Variants in MED23 observed in about 807,000 individuals in gnomAD.
The protein encoded by MED23 is mediator complex subunit 23.
A neutral mutation model predicts 163.9 loss-of-function variants in MED23; 105 were observed. The observed-to-expected ratio is 0.64, with a 90% CI of 0.55 to 0.75. MED23 has a LOEUF of 0.75. Ranked by LOEUF, MED23 falls within the 30% of genes least tolerant of loss-of-function variation. The pLI is 0.00. For missense variants in MED23, 1,054 were observed against 1,649.0 expected (o/e 0.64, Z 6.25); for synonymous variants, 561 against 565.6 (o/e 0.99, Z 0.12).
intron 10 of MED23, among the ~76,000 whole-genome samples, chr6:131,611,943 A>G (rs543562250): frequency 1.3e-5 from 2 of 152,244 alleles, no homozygotes; most frequent in South Asian, 2.1e-4. Context: ...TTTCACCTAC[A>G]TATTTTTAGG....
At chr6:131,595,891 C>T in intron 22 of MED23, 56 bp downstream of exon 22, 1 of 1,299,152 alleles carries the variant, frequency 7.7e-7, no homozygotes, top group Non-Finnish European at 1.1e-6. Flanking sequence ...TGGTCCTGCC[C>T]ATCCTACTTT....
At chr6:131,622,946 TATTA>T (rs1451470184) in intron 5 of MED23, among the ~76,000 whole-genome samples, 2 of 152,206 alleles carry the variant, frequency 1.3e-5, no homozygotes, top group Non-Finnish European at 2.9e-5. Flanking sequence ...GTGCTGAAGA[TATTA>T]ATTGAGGTAA....
intron 30 of MED23, chr6:131,581,458 C>G: frequency 7.0e-7 from 1 of 1,418,620 alleles, no homozygotes. Context: ...ATGAGAAACT[C>G]CATGTTATCT....
chr6:131,582,764 T>C (rs1320936816), downstream of MED23: 1 of 1,511,366 alleles, frequency 6.6e-7, no homozygotes, highest in South Asian at 1.1e-5. Context: ...TCCCTTTGTG[T>C]GCTAGATATG....
chr6:131,617,598 T>C (rs1458411547), intron 9 of MED23, among the ~76,000 whole-genome samples: 1 of 152,128 alleles, frequency 6.6e-6, no homozygotes, highest in Non-Finnish European at 1.5e-5. Flanking sequence ...GGGGTCTGAG[T>C]ACATAAGCAT....
chr6:131,584,377 C>CACAA (rs1774096807), downstream of MED23: 1 of 153,854 alleles, frequency 6.5e-6, no homozygotes, highest in Non-Finnish European at 1.4e-5. Flanking sequence ...CACACACACA[C>CACAA]ACACACACAC....
chr6:131,580,674 A>G (rs555926925), intron 30 of MED23, among the ~76,000 whole-genome samples: 1 of 152,352 alleles, frequency 6.6e-6, no homozygotes, highest in African/African-American at 2.4e-5. Context: ...CATTGAATAG[A>G]ATGAGTGAAC....
Position 131,593,170 on chromosome 6 carries a change from C to T in MED23, c.3234G>A (p.Thr1078=), listed in dbSNP as rs200146723. ...YCRLIGRLVD[T]MAGKSPGPFP... is the part of the protein sequence containing the mutation. ...AGGGACCAGGAGATTTGCCAGCCATCGGTGCACACAGTTAAAGCAATAACA... is the reference window on the plus strand; with the variant it reads ...AGGGACCAGGAGATTTGCCAGCCATTGGTGCACACAGTTAAAGCAATAACA... The change falls in exon 24 of 29, where the codon ACG becomes ACA. Residue 1078 remains threonine, a splice_region_variant and synonymous_variant. Coordinates refer to ENST00000368068, the MANE Select transcript of MED23 (RefSeq NM_004830.4). 2.6e-4 allele frequency: 417 copies of T among 1,614,092 alleles called. 2 individuals carry two copies. The South Asian group carries it at 4.2e-3, about 16-fold the overall frequency.
intron 10 of MED23, chr6:131,615,183 CGTT>C (rs200407872): frequency 3.0e-6 from 2 of 672,680 alleles, no homozygotes; most frequent in East Asian, 3.4e-5. Context: ...AAGAAGAAAT[CGTT>C]TTTTAGTGGC....
chr6:131,600,063 AG>A lies in MED23; in HGVS notation c.2194del (p.Leu732Ter). 1 of 1,614,024 alleles carries A rather than the reference AG, an allele frequency of 6.2e-7. No homozygotes were observed. On this transcript the variant is annotated frameshift_variant, in exon 18 of 29. Coordinates refer to ENST00000368068, the MANE Select transcript of MED23 (RefSeq NM_004830.4). LOFTEE classifies it high-confidence loss of function. ...FTPHNWASHT[L>X]SCFPGPLQAF... ...CTGTAGTGGGCCTGGAAAACAGCTC[AG>A]GGTGTGTGAAGCCCAATTATGAGGA... is the stretch of plus-strand genomic sequence containing the variant.
chr6:131,598,477 A>G lies in MED23; in HGVS notation c.2427-10T>C, dbSNP rs1368821064. The G allele has an allele frequency of 2.5e-6, 4 of 1,614,168 alleles. No homozygotes were observed. Among genetic ancestry groups the G allele is most frequent in the East Asian group, 2.2e-5 (1 of 44,874 alleles). ...AATTCTCTCTAATACTCTGGAAGGC[A>G]GAGAGTAAAACATAAACTCCATTGT... On this transcript the variant is annotated splice_polypyrimidine_tract_variant and intron_variant, in intron 19 of 28. Coordinates refer to ENST00000368068, the MANE Select transcript of MED23 (RefSeq NM_004830.4). This position sits in a 1 kb window ranked among gnomAD's most constrained non-coding sequence, Gnocchi z 4.7.
In MED23 at chr6:131,607,913, C is replaced by T; in HGVS notation, c.1221+15G>A. ...CTCATCATGTTGTTATGAATAGTTACTCAGTAAAGCTTACTTCTTTTTCTG... is the reference window on the plus strand; with the variant it reads ...CTCATCATGTTGTTATGAATAGTTATTCAGTAAAGCTTACTTCTTTTTCTG... On this transcript the variant is annotated intron_variant, in intron 12 of 28. Transcript: ENST00000368068. 1 of 1,613,166 alleles carries T rather than the reference C, an allele frequency of 6.2e-7. No homozygotes were observed. The highest frequency in any genetic ancestry group is 1.3e-5 in the African/African-American group (1 of 75,002).
chr6:131,578,615 G>A (rs1200753915), intron 30 of MED23, among the ~76,000 whole-genome samples: 1 of 151,990 alleles, frequency 6.6e-6, no homozygotes, highest in Non-Finnish European at 1.5e-5. Flanking sequence ...AGGTTCAATG[G>A]ATACTTTGTG....
chr6:131,616,041 T>C, intron 9 of MED23, 39 bp from the exon 10 acceptor site: 2 of 1,478,164 alleles, frequency 1.4e-6, no homozygotes, highest in Non-Finnish European at 1.9e-6. Context: ...TCAAGATCAA[T>C]GTCAACATTA....
intron 24 of MED23, 63 bp from the exon 25 acceptor site, chr6:131,592,523 G>A (rs928679555): frequency 8.0e-6 from 11 of 1,367,408 alleles, no homozygotes; most frequent in African/African-American, 1.4e-5. Flanking sequence ...GGCTGACAAC[G>A]GATCTTATTT....
chr6:131,581,223 G>A, intron 30 of MED23: 1 of 1,613,810 alleles, frequency 6.2e-7, no homozygotes, highest in Non-Finnish European at 8.5e-7. Context: ...CAAAAGTTTG[G>A]CAATTGGAAG....
chr6:131,627,465 A>T lies in MED23; in HGVS notation c.90T>A (p.Pro30=). 1 of 1,613,764 alleles carries T rather than the reference A, an allele frequency of 6.2e-7. No homozygotes were observed. The highest frequency in any genetic ancestry group is 8.5e-7 in the Non-Finnish European group (1 of 1,179,820). ...EAFPGMFMDT[P]EDEKTKLISC... is the part of the protein sequence containing the mutation. ...TAATTAGTTTTGTTTTCTCATCTTCAGGAGTATCCATAAACATGCTAAAAA... is the reference window on the plus strand; with the variant it reads ...TAATTAGTTTTGTTTTCTCATCTTCTGGAGTATCCATAAACATGCTAAAAA... The change falls in exon 3 of 29, where the codon CCT becomes CCA. Residue 30 remains proline, a synonymous_variant. Transcript: ENST00000368068.
At chr6:131,617,058 C>G (rs1461130361) in intron 9 of MED23, among the ~76,000 whole-genome samples, 1 of 150,514 alleles carries the variant, frequency 6.6e-6, no homozygotes, top group African/African-American at 2.4e-5. Context: ...TTTTGCCTGC[C>G]CATACTTAAA....
In MED23 at chr6:131,598,604, A is replaced by G; in HGVS notation, c.2378T>C (p.Leu793Pro). 6.2e-7 allele frequency: 1 copy of G among 1,614,168 alleles called. No individual in the cohort carries two copies. The highest frequency in any genetic ancestry group is 8.5e-7 in the Non-Finnish European group (1 of 1,180,020). The stretch of plus-strand genomic sequence containing the variant: ...ATCTGTTTCCAAGAGCATTTTCCAG[A>G]GAAGACAAAGAAAGAGAGGAGGGGA... ...QGSPPLFLCLLWKMLLETDHI... is the reference protein window; with the variant it reads ...QGSPPLFLCLPWKMLLETDHI... Residue 793 changes from leucine to proline, a missense_variant, in exon 19 of 29, where the codon CTC (leucine) becomes CCC (proline). This residue lies in a region of MED23 where 228 missense variants were observed against 461.3 expected (regional missense o/e 0.49). Coordinates refer to ENST00000368068, the MANE Select transcript of MED23 (RefSeq NM_004830.4). The surrounding 1 kb of genome is among the most constrained non-coding windows in gnomAD (Gnocchi z 4.7).
Sources: allele counts gnomAD v4.1 joint callset (sites outside exome capture counted in the v4.1 genomes callset), GRCh38; gene constraint gnomAD v4.1.1; regional missense constraint gnomAD v4.1.1; non-coding constraint Gnocchi (gnomAD v3.1); transcripts MANE v1.5; gene names NCBI Gene and HGNC (gene_info 2026-07-23, HGNC 2026-07-21).